PRSS53: variants seen among roughly 807,000 people sequenced by gnomAD.
PRSS53 encodes the protein serine protease 53.
PRSS53 carries 54 observed loss-of-function variants against 62.7 expected under a neutral mutation model. The ratio of observed to expected loss-of-function variants is 0.86; its 90% CI spans 0.69 to 1.08. The LOEUF (loss-of-function observed/expected upper bound fraction) is 1.08. Ranked by LOEUF, PRSS53 falls within the 50% of genes least tolerant of loss-of-function variation. The pLI, the probability that PRSS53 is intolerant of heterozygous loss-of-function variation, is 0.00. For missense variants in PRSS53, 688 were observed against 728.3 expected (o/e 0.94, Z 0.64); for synonymous variants, 273 against 300.0 (o/e 0.91, Z 0.93).
chr16:31,087,864 C>T (rs1430809890), intron 1 of PRSS53, 38 bp from the exon 2 acceptor site: 3 of 1,612,676 alleles, frequency 1.9e-6, no homozygotes, highest in Non-Finnish European at 2.5e-6. Context: ...GCAGGGACTC[C>T]AGGCCTGCCT....
At position 31,086,510 on chromosome 16, in the gene PRSS53, C is replaced by A. The variant is rs554035106; in HGVS notation, c.509-19G>T. The A allele has an allele frequency of 1.9e-6, 3 of 1,603,484 alleles. No homozygotes were observed. Among genetic ancestry groups the A allele is most frequent in the Admixed American group, 1.7e-5 (1 of 59,470 alleles). On this transcript the variant is annotated intron_variant, in intron 4 of 10. Coordinates refer to ENST00000280606, the Ensembl canonical transcript of PRSS53. ...CCAGGAGCTGGTGAAAGAGACGGGG[C>A]TGGGGCTAGAGTCTGGGATCTGGGA...
At chr16:31,086,393 C>T (rs1383986897) in exon 5 of PRSS53, 1 of 1,614,112 alleles carries the variant, frequency 6.2e-7, no homozygotes. Context: ...CCAGGCCGGG[C>T]CGGGTTGGAC....
chr16:31,086,920 C>G (rs1438308522), intron 3 of PRSS53, 22 bp from the exon 4 acceptor site: 1 of 1,571,302 alleles, frequency 6.4e-7, no homozygotes, highest in Non-Finnish European at 8.6e-7. Context: ...AGGACAAGGT[C>G]CAGGCTGCTG....
chr16:31,088,539 C>A, intron 1 of PRSS53: 1 of 1,431,022 alleles, frequency 7.0e-7, no homozygotes. Context: ...ACAGGCCCCG[C>A]CAACGCAAAC....
exon 6 of PRSS53, chr16:31,085,965 T>C (rs1422517327): frequency 6.2e-7 from 1 of 1,611,904 alleles, no homozygotes; most frequent in Non-Finnish European, 8.5e-7. Context: ...CACTCGTACC[T>C]ACACAGCTGT....
In PRSS53 at chr16:31,088,802, CA is replaced by C; in HGVS notation, c.7del (p.Trp3GlyfsTer52). Reference sequence around the variant, plus strand: ...GATGAGCAGCACTGGGCCCCAGCACCACTTCATGCTGCCCCGGGCCACTCTG... The same window carrying C: ...GATGAGCAGCACTGGGCCCCAGCACCCTTCATGCTGCCCCGGGCCACTCTG... On this transcript the variant is annotated frameshift_variant, in exon 1 of 11. Coordinates refer to ENST00000280606, the Ensembl canonical transcript of PRSS53. LOFTEE classifies it high-confidence loss of function. 1 of 1,613,866 alleles carries C rather than the reference CA, an allele frequency of 6.2e-7. No homozygotes were observed. Among genetic ancestry groups the C allele is most frequent in the Non-Finnish European group, 8.5e-7 (1 of 1,180,038 alleles).
At chr16:31,086,253 G>C (rs4889535) in intron 5 of PRSS53, 70 bp from the exon 6 acceptor site, 1,581,079 of 1,585,390 alleles carry the variant, frequency 1, 788,477 homozygotes, top group East Asian at 1. Flanking sequence ...CTGATTGCAG[G>C]TCTTTCCCCC....
intron 3 of PRSS53, 90 bp downstream of exon 3, chr16:31,087,447 T>C (rs2057245691): frequency 1.1e-6 from 1 of 923,474 alleles, no homozygotes. Context: ...TTATTATTAC[T>C]CTAGAGGCAG....
intron 6 of PRSS53, 56 bp from the exon 7 acceptor site, chr16:31,085,316 C>A (rs966393817): frequency 1.6e-5 from 24 of 1,466,228 alleles, no homozygotes; most frequent in Non-Finnish European, 1.9e-5. Flanking sequence ...CACTTCCCAT[C>A]AAATCCTCAC....
At chr16:31,083,638 C>T in exon 11 of PRSS53, 2 of 1,523,886 alleles carry the variant, frequency 1.3e-6, no homozygotes, top group South Asian at 2.5e-5. Flanking sequence ...GAGTGGGCAC[C>T]TGTGGCCCCA....
intron 3 of PRSS53, 71 bp from the exon 4 acceptor site, chr16:31,086,969 A>C (rs2057241805): frequency 6.8e-7 from 1 of 1,465,052 alleles, no homozygotes; most frequent in Non-Finnish European, 9.1e-7. Context: ...GAGACCCCAC[A>C]GGTAGGTGGA....
chr16:31,083,492 A>G (rs558617816), exon 11 of PRSS53: 405 of 1,330,724 alleles, frequency 3.0e-4, no homozygotes, highest in Non-Finnish European at 3.7e-4. Context: ...TGCCCCCCAA[A>G]AAAAGAAATT....
At chr16:31,086,290 AG>A in intron 5 of PRSS53, 46 bp downstream of exon 5, 14 of 1,584,502 alleles carry the variant, frequency 8.8e-6, no homozygotes, top group Non-Finnish European at 1.2e-5. Flanking sequence ...CCCCCAGCCC[AG>A]GGTTAGGCCC....
Position 31,085,067 on chromosome 16 carries a change from C to T in PRSS53, c.1034+43G>A, listed in dbSNP as rs771997153. 19 of 1,611,362 alleles carry T rather than the reference C, an allele frequency of 1.2e-5. No homozygotes were observed. In the East Asian group the frequency reaches 1.3e-4, roughly 11 times the overall value. The stretch of plus-strand genomic sequence containing the variant: ...GGACGGCACCAGGTGACAGGGCTGC[C>T]GGCAGGGGCAGGGGGCACAGCAGAG... On this transcript the variant is annotated intron_variant, in intron 7 of 10. Coordinates refer to ENST00000280606, the Ensembl canonical transcript of PRSS53.
chr16:31,085,217 G>A (rs1459380091), exon 7 of PRSS53: 17 of 1,601,924 alleles, frequency 1.1e-5, no homozygotes, highest in Non-Finnish European at 1.4e-5. Flanking sequence ...GCCATGGGGA[G>A]GGTGCTCCTG....
rs561527330 is a variant in PRSS53, at chr16:31,086,367, G to GC, written c.632dup (p.Gln213ProfsTer22). 221 of 1,613,294 alleles carry GC rather than the reference G, an allele frequency of 1.4e-4. No individual in the cohort carries two copies. In the African/African-American group the frequency reaches 2.2e-3, roughly 16 times the overall value. On this transcript the variant is annotated frameshift_variant, in exon 5 of 11. Transcript: ENST00000280606. LOFTEE classifies it high-confidence loss of function. Reference sequence around the variant, plus strand: ...AGGGGCCCTGCACCCCAGGCTGGGGGCCCCCACATAGCATCCCAGGCCGGG... The same window carrying GC: ...AGGGGCCCTGCACCCCAGGCTGGGGGCCCCCCACATAGCATCCCAGGCCGGG...
At chr16:31,088,326 C>T in intron 1 of PRSS53, 1 of 1,118,956 alleles carries the variant, frequency 8.9e-7, no homozygotes, top group Non-Finnish European at 1.1e-6. Context: ...GAGAGCCCGC[C>T]AGAGAGAGGG....
exon 4 of PRSS53, chr16:31,086,637 A>G: frequency 6.5e-7 from 1 of 1,536,078 alleles, no homozygotes; most frequent in Non-Finnish European, 8.8e-7. Context: ...ACTTACCATC[A>G]CTGGTGTCCT....
At chr16:31,085,046 G>C (rs779145638) in intron 7 of PRSS53, 22 bp from the exon 8 acceptor site, 8 of 1,608,568 alleles carry the variant, frequency 5.0e-6, no homozygotes, top group Non-Finnish European at 6.8e-6. Flanking sequence ...CAGTGTGGAC[G>C]GCACCAGGTG....
Sources: gnomAD v4.1 joint callset for allele counts on GRCh38, gnomAD v4.1.1 for gene constraint, MANE v1.5 for transcripts, NCBI Gene and HGNC (gene_info 2026-07-23, HGNC 2026-07-21) for gene names.